SPMIP11: variants seen among roughly 807,000 people sequenced by gnomAD.
The protein encoded by SPMIP11 is sperm microtubule inner protein 11, also known as long intergenic non-protein coding RNA 935.
chr12:48,759,242 C>T, the SPMIP11 span: 3 of 702,880 alleles, frequency 4.3e-6, no homozygotes, highest in Non-Finnish European at 7.8e-6. Flanking sequence ...AGGCTTCCCC[C>T]CATTATCTCA....
chr12:48,753,444 C>T, the SPMIP11 span, among the ~76,000 whole-genome samples: 2 of 152,140 alleles, frequency 1.3e-5, no homozygotes, highest in African/African-American at 4.8e-5. Context: ...TAAAGAAAGG[C>T]TCAACCTTGA....
chr12:48,757,949 A>G, the SPMIP11 span, among the ~76,000 whole-genome samples: 1 of 152,068 alleles, frequency 6.6e-6, no homozygotes, highest in African/African-American at 2.4e-5. Context: ...AGCCAAGATC[A>G]TGCCACTGCA....
chr12:48,767,663 A>G, the SPMIP11 span: 1 of 152,634 alleles, frequency 6.6e-6, no homozygotes, highest in African/African-American at 2.4e-5. Context: ...CAGAAGAGGA[A>G]GAGATGCTCC....
At chr12:48,762,020 A>G in the SPMIP11 span, among the ~76,000 whole-genome samples, 1 of 125,050 alleles carries the variant, frequency 8.0e-6, no homozygotes, top group South Asian at 2.6e-4. Context: ...CTTATATGAC[A>G]TTCTTATATA....
At chr12:48,768,856 C>A in the SPMIP11 span, 2 of 1,553,948 alleles carry the variant, frequency 1.3e-6, no homozygotes, top group Non-Finnish European at 1.7e-6. Flanking sequence ...CACCCTACCC[C>A]TGTCCTAGCA....
At chr12:48,744,764 GGAGGAA>G in the SPMIP11 span, among the ~76,000 whole-genome samples, 4 of 149,020 alleles carry the variant, frequency 2.7e-5, no homozygotes, top group East Asian at 7.9e-4. Flanking sequence ...TGGGGGAGGA[GGAGGAA>G]GAGGAAGAGG....
the SPMIP11 span, among the ~76,000 whole-genome samples, chr12:48,759,532 C>T: frequency 2.2e-4 from 33 of 151,976 alleles, no homozygotes; most frequent in South Asian, 6.2e-4. Context: ...ACTAAAAATA[C>T]AAAAATTAGC....
At chr12:48,757,003 T>C in the SPMIP11 span, among the ~76,000 whole-genome samples, 44 of 152,224 alleles carry the variant, frequency 2.9e-4, no homozygotes, top group African/African-American at 1.0e-3. Context: ...CTCAAACTTC[T>C]GACCTCAGGT....
the SPMIP11 span, chr12:48,759,225 G>A: frequency 2.8e-6 from 2 of 702,972 alleles, no homozygotes; most frequent in African/African-American, 1.7e-5. Flanking sequence ...AGGAACCAGA[G>A]CCTACTAGGC....
the SPMIP11 span, among the ~76,000 whole-genome samples, chr12:48,757,271 T>C: frequency 6.6e-6 from 1 of 152,062 alleles, no homozygotes; most frequent in Admixed American, 6.6e-5. Flanking sequence ...AAAAATTAAA[T>C]TTTTTTCAAA....
the SPMIP11 span, among the ~76,000 whole-genome samples, chr12:48,751,076 C>T: frequency 1.3e-5 from 2 of 152,158 alleles, no homozygotes; most frequent in South Asian, 2.1e-4. Context: ...CCTTGAAGAA[C>T]GATAGGTTTT....
the SPMIP11 span, among the ~76,000 whole-genome samples, chr12:48,745,555 G>A: frequency 7.9e-5 from 12 of 152,050 alleles, no homozygotes; most frequent in Middle Eastern, 3.2e-3. Flanking sequence ...GCAGGGAGCC[G>A]AGATTGCACC....
chr12:48,742,482 A>C, the SPMIP11 span, among the ~76,000 whole-genome samples: 1 of 151,194 alleles, frequency 6.6e-6, no homozygotes, highest in South Asian at 2.1e-4. Flanking sequence ...GGGTTTTACC[A>C]TGTTGGTCAG....
At chr12:48,751,929 T>G in the SPMIP11 span, among the ~76,000 whole-genome samples, 1 of 151,814 alleles carries the variant, frequency 6.6e-6, no homozygotes, top group Admixed American at 6.6e-5. Flanking sequence ...TAGCCACATG[T>G]GTTAGCGGGT....
the SPMIP11 span, among the ~76,000 whole-genome samples, chr12:48,753,681 C>CTT: frequency 3.3e-5 from 4 of 120,892 alleles, no homozygotes; most frequent in South Asian, 5.3e-4. Flanking sequence ...CTTTTCTTTA[C>CTT]TTTTTTTTTT....
chr12:48,761,537 G>A, the SPMIP11 span, among the ~76,000 whole-genome samples: 3 of 150,152 alleles, frequency 2.0e-5, no homozygotes, highest in Admixed American at 6.7e-5. Flanking sequence ...ACTTAAGCCT[G>A]GCAGGTCAAG....
the SPMIP11 span, among the ~76,000 whole-genome samples, chr12:48,759,792 C>T: frequency 1.3e-3 from 202 of 151,326 alleles, no homozygotes; most frequent in African/African-American, 4.8e-3. Context: ...GGGGTAAGCA[C>T]GATATGATAA....
chr12:48,742,285 T>TTC, the SPMIP11 span, among the ~76,000 whole-genome samples: 9,881 of 140,926 alleles, frequency 0.07, 618 homozygotes, highest in South Asian at 0.11. Context: ...TTCCTTTTTT[T>TTC]TTTTTTTTTT....
At chr12:48,744,367 C>T in the SPMIP11 span, among the ~76,000 whole-genome samples, 6 of 152,082 alleles carry the variant, frequency 3.9e-5, no homozygotes, top group African/African-American at 9.7e-5. Context: ...GATCACGCCA[C>T]TGTACTACAG....
Sources: gnomAD v4.1 joint callset for allele counts (sites outside exome capture counted in the v4.1 genomes callset) on GRCh38, gnomAD v4.1.1 for gene constraint, MANE v1.5 for transcripts, NCBI Gene and HGNC (gene_info 2026-07-23, HGNC 2026-07-21) for gene names.